VPS18: variants seen among roughly 807,000 people sequenced by gnomAD.
The protein encoded by VPS18 is VPS18 core subunit of CORVET and HOPS complexes, also known as vacuolar protein sorting-associated protein 18 homolog.
In VPS18, 25 loss-of-function variants were observed where a neutral mutation model predicts 82.0. The ratio of observed to expected loss-of-function variants is 0.30; its 90% confidence interval spans 0.22 to 0.43. VPS18 has a LOEUF of 0.43. VPS18 is among the 20% of genes least tolerant of loss of function. The pLI is 1.00. For missense variants in VPS18, 1,168 were observed against 1,311.1 expected (o/e 0.89, Z 1.69); for synonymous variants, 523 against 543.0 (o/e 0.96, Z 0.51).
intron 4 of VPS18, 109 bp downstream of exon 4, chr15:40,901,123 A>G: frequency 1.7e-6 from 2 of 1,147,268 alleles, no homozygotes; most frequent in South Asian, 1.5e-5. Flanking sequence ...CTTCCCTTGC[A>G]GAGAGGGAAG....
At position 40,900,786 on chromosome 15, in the gene VPS18, G is replaced by A. The variant is rs145230598; in HGVS notation, c.1968G>A (p.Leu656=). 6.2e-7 allele frequency: 1 copy of A among 1,614,230 alleles called. No homozygotes were observed. The highest frequency in any genetic ancestry group is 1.3e-5 in the African/African-American group (1 of 75,070). Residue 656 remains leucine, a synonymous_variant, in exon 4 of 5, where the codon CTG becomes CTA. Transcript: ENST00000220509. The surrounding 1 kb of genome is among the most constrained non-coding windows in gnomAD (Gnocchi z 5.4). The part of the protein sequence containing the change: ...IRYMEFCVNV[L]GETEQAIHNY... ...ACATGGAGTTCTGCGTGAACGTGCT[G>A]GGGGAGACTGAGCAGGCCATCCACA...
chr15:40,902,603 G>T lies in VPS18; in HGVS notation c.2197-13G>T, dbSNP rs755487795. 1.9e-6 allele frequency: 3 copies of T among 1,599,878 alleles called. No individual in the cohort carries two copies. The Admixed American group carries it at 5.0e-5, about 27-fold the overall frequency. ...GGAGGGGCTTGGCCCTAAAGCCCAT[G>T]CTCTCCCCACAGGTGGATGTGGACC... On this transcript the variant is annotated splice_polypyrimidine_tract_variant and intron_variant, in intron 4 of 4. Coordinates refer to ENST00000220509, the MANE Select transcript of VPS18 (RefSeq NM_020857.3). This position sits in a 1 kb window ranked among gnomAD's most constrained non-coding sequence, Gnocchi z 4.2.
At chr15:40,896,179 T>C (rs1331538138) in intron 2 of VPS18, 100 bp downstream of exon 2, 26 of 1,520,482 alleles carry the variant, frequency 1.7e-5, no homozygotes, top group Non-Finnish European at 2.2e-5. Flanking sequence ...AGTAAAGCAG[T>C]GAATTTGGAG....
In VPS18 at chr15:40,899,534, C is replaced by T. The variant is rs573980971; in HGVS notation, c.716C>T (p.Ala239Val). Residue 239 changes from alanine (A) to valine (V), a missense_variant, in exon 4 of 5, where the codon GCT (alanine) becomes GTT (valine). Physicochemically the swap from Ala to Val is moderately conservative, Grantham distance 64. This residue lies in a region of VPS18 where 868 missense variants were observed against 939.8 expected (regional missense o/e 0.92). Transcript: ENST00000220509. This position sits in a 1 kb window ranked among gnomAD's most constrained non-coding sequence, Gnocchi z 4.4. ...TTCATAGGCCGAGCAGCAGAGGGGG[C>T]TGAGGCCCAGGGTTTCTCAGGGCTC... ...FQFIGRAAEG[A>V]EAQGFSGLFA... 962 of 1,609,674 alleles carry T rather than the reference C, an allele frequency of 6.0e-4. 6 individuals are homozygous for T. In the South Asian group the frequency reaches 0.01, roughly 17 times the overall value.
In VPS18 at chr15:40,899,747, G is replaced by A. The variant is rs756968715; in HGVS notation, c.929G>A (p.Arg310Gln). 5.0e-6 allele frequency: 8 copies of A among 1,613,676 alleles called. No individual in the cohort carries two copies. Among genetic ancestry groups the A allele is most frequent in the South Asian group, 2.2e-5 (2 of 91,090 alleles). Residue 310 changes from arginine to glutamine, a missense_variant, in exon 4 of 5, where the codon CGA becomes CAA. Coordinates refer to ENST00000220509, the MANE Select transcript of VPS18 (RefSeq NM_020857.3). This position sits in a 1 kb window ranked among gnomAD's most constrained non-coding sequence, Gnocchi z 4.4. The stretch of plus-strand genomic sequence containing the variant: ...CCTGACTCTCTGCTGAGCGAGGAGC[G>A]AGTCTGGGAGTACCCAGAGGGGGTA... Reference protein sequence around the residue: ...GRPDSLLSEERVWEYPEGVGP... With the variant: ...GRPDSLLSEEQVWEYPEGVGP...
At position 40,894,774 on chromosome 15, in the gene VPS18, G is replaced by T. The variant is rs764486412; in HGVS notation, c.6G>T (p.Ala2=). 1.8e-5 allele frequency: 28 copies of T among 1,549,460 alleles called. No individual in the cohort carries two copies. The highest frequency in any genetic ancestry group is 2.2e-5 in the Non-Finnish European group (25 of 1,146,274). The change falls in exon 1 of 5, where the codon GCG becomes GCT. Residue 2 remains alanine (A), a synonymous_variant. Coordinates refer to ENST00000220509, the MANE Select transcript of VPS18 (RefSeq NM_020857.3). The part of the protein sequence containing the change: M[A]SILDEYENSL... Reference sequence around the variant, plus strand: ...GAGCCCAGAGGCCGGGCACCATGGCGTCCATCCTGGATGAGTACGAGAACT... The same window carrying T: ...GAGCCCAGAGGCCGGGCACCATGGCTTCCATCCTGGATGAGTACGAGAACT...
intron 2 of VPS18, among the ~76,000 whole-genome samples, chr15:40,898,170 G>C (rs894264569): frequency 6.6e-6 from 1 of 151,986 alleles, no homozygotes; most frequent in African/African-American, 2.4e-5. Context: ...ATTTCACCGT[G>C]GTCTCAATCT....
intron 2 of VPS18, among the ~76,000 whole-genome samples, chr15:40,898,112 G>A (rs942095987): frequency 1.1e-4 from 16 of 152,036 alleles, no homozygotes; most frequent in Non-Finnish European, 2.2e-4. Context: ...GACTACAGGC[G>A]CCTGCCACCG....
chr15:40,900,048 G>T lies in VPS18; in HGVS notation c.1230G>T (p.Leu410=). 1 of 1,613,866 alleles carries T rather than the reference G, an allele frequency of 6.2e-7. No homozygotes were observed. The highest frequency in any genetic ancestry group is 8.5e-7 in the Non-Finnish European group (1 of 1,179,988). ...RTYLDMNRFD[L]AKEYCRERPD... ...ATCTGGACATGAACCGCTTCGATCT[G>T]GCCAAAGAGTATTGTCGAGAGCGGC... Residue 410 remains leucine, a synonymous_variant, in exon 4 of 5, where the codon CTG becomes CTT. Coordinates refer to ENST00000220509, the MANE Select transcript of VPS18 (RefSeq NM_020857.3). The surrounding 1 kb of genome is among the most constrained non-coding windows in gnomAD (Gnocchi z 5.4).
Position 40,900,622 on chromosome 15 carries a change from C to A in VPS18, c.1804C>A (p.Leu602Ile), listed in dbSNP as rs78368648. 3.7e-6 allele frequency: 6 copies of A among 1,613,984 alleles called. No homozygotes were observed. The highest frequency in any genetic ancestry group is 5.1e-6 in the Non-Finnish European group (6 of 1,180,032). ...PQLFYKFSPI[L>I]IRHIPRQLVD... ...GCTCTTCTACAAGTTCTCACCCATC[C>A]TCATCCGTCACATCCCCCGCCAGCT... Residue 602 changes from leucine to isoleucine, a missense_variant, in exon 4 of 5, where the codon CTC (leucine) becomes ATC (isoleucine). Physicochemically the swap from Leu to Ile is conservative, Grantham distance 5 (BLOSUM62 2). Around this residue, in one of 3 missense-constraint regions of VPS18, gnomAD observed 868 missense variants for 939.8 expected, o/e 0.92. Transcript: ENST00000220509. This position sits in a 1 kb window ranked among gnomAD's most constrained non-coding sequence, Gnocchi z 5.4.
chr15:40,900,729 T>G lies in VPS18; in HGVS notation c.1911T>G (p.Gly637=). 1 of 1,614,148 alleles carries G rather than the reference T, an allele frequency of 6.2e-7. No individual in the cohort carries two copies. The highest frequency in any genetic ancestry group is 2.2e-5 in the East Asian group (1 of 44,884). Residue 637 remains glycine (G), a synonymous_variant, in exon 4 of 5, where the codon GGT becomes GGG. Transcript: ENST00000220509. The surrounding 1 kb of genome is among the most constrained non-coding windows in gnomAD (Gnocchi z 5.4). ...CCCTGGTGAACTACAGCCAGGGTGG[T>G]GAGGTCCAGCAGGTGAGCCAGGCCA... ...IPALVNYSQG[G]EVQQVSQAIR... is the part of the protein sequence containing the mutation.
rs760362186 is a variant in VPS18 at position 40,900,206 on chromosome 15, C to T, written c.1388C>T (p.Ala463Val). Residue 463 changes from alanine to valine, a missense_variant, in exon 4 of 5, where the codon GCC (alanine) becomes GTC (valine). By Grantham distance (64) the Ala-to-Val change is moderately conservative. This residue lies in a region of VPS18 where 868 missense variants were observed against 939.8 expected (regional missense o/e 0.92). Coordinates refer to ENST00000220509, the MANE Select transcript of VPS18 (RefSeq NM_020857.3). This position sits in a 1 kb window ranked among gnomAD's most constrained non-coding sequence, Gnocchi z 5.4. ...GAGATTGCCCTCAAGTTCCTGGAGG[C>T]CCGACAGGAGGAGGCTCTGGCTGAG... Reference protein sequence around the residue: ...FEEIALKFLEARQEEALAEFL... With the variant: ...FEEIALKFLEVRQEEALAEFL... 1.9e-6 allele frequency: 3 copies of T among 1,613,814 alleles called. No individual in the cohort carries two copies. In the East Asian group the frequency reaches 6.7e-5, roughly 36 times the overall value.
chr15:40,902,664 G>A lies in VPS18; in HGVS notation c.2245G>A (p.Glu749Lys). 6.2e-7 allele frequency: 1 copy of A among 1,614,250 alleles called. No individual in the cohort carries two copies. The highest frequency in any genetic ancestry group is 8.5e-7 in the Non-Finnish European group (1 of 1,180,036). ...KQCADLPEEDEELRKKLWLKI... is the reference protein window; with the variant it reads ...KQCADLPEEDKELRKKLWLKI... ...GTGTGCAGACCTGCCTGAGGAGGAT[G>A]AGGAATTGCGCAAGAAGCTGTGGCT... Residue 749 changes from glutamate to lysine, a missense_variant, in exon 5 of 5, where the codon GAG becomes AAG. Coordinates refer to ENST00000220509, the MANE Select transcript of VPS18 (RefSeq NM_020857.3). The surrounding 1 kb of genome is among the most constrained non-coding windows in gnomAD (Gnocchi z 4.2).
Position 40,903,200 on chromosome 15 carries a change from C to G in VPS18, c.2781C>G (p.Pro927=). Reference sequence around the variant, plus strand: ...AGGGTGGGGCTGCCACGGCAGGGCCCAGCCGGGAACAGCTCAAGGCTGACC... The same window carrying G: ...AGGGTGGGGCTGCCACGGCAGGGCCGAGCCGGGAACAGCTCAAGGCTGACC... The part of the protein sequence containing the change: ...EAEGGAATAG[P]SREQLKADLD... The change falls in exon 5 of 5, where the codon CCC becomes CCG. Residue 927 remains proline (P), a synonymous_variant. Transcript: ENST00000220509. 1 of 1,610,412 alleles carries G rather than the reference C, an allele frequency of 6.2e-7. No individual in the cohort carries two copies. Among genetic ancestry groups the G allele is most frequent in the South Asian group, 1.1e-5 (1 of 90,766 alleles).
Position 40,899,108 on chromosome 15 carries a change from A to T in VPS18, c.326-36A>T, listed in dbSNP as rs1892289885. ...GGAGGAGGCTGAGGATGGGAACGGCAGCATCCACTGGGGCGCCATGCTCTC... is the reference window on the plus strand; with the variant it reads ...GGAGGAGGCTGAGGATGGGAACGGCTGCATCCACTGGGGCGCCATGCTCTC... On this transcript the variant is annotated intron_variant, in intron 3 of 4. Coordinates refer to ENST00000220509, the MANE Select transcript of VPS18 (RefSeq NM_020857.3). The surrounding 1 kb of genome is among the most constrained non-coding windows in gnomAD (Gnocchi z 4.4). The T allele has an allele frequency of 1.2e-6, 2 of 1,604,690 alleles. No homozygotes were observed. The highest frequency in any genetic ancestry group is 1.7e-6 in the Non-Finnish European group (2 of 1,173,584).
rs147137922 is a variant in VPS18, at chr15:40,902,913, C to A, written c.2494C>A (p.Arg832Ser). ...GGAAGAGGCTACAGCCAGTGCCCAG[C>A]GCATCCGGCGAGACCTGCAGGAGCT... ...EMEEATASAQRIRRDLQELRG... is the reference protein window; with the variant it reads ...EMEEATASAQSIRRDLQELRG... Residue 832 changes from arginine to serine, a missense_variant, in exon 5 of 5, where the codon CGC (arginine) becomes AGC (serine). Transcript: ENST00000220509. This position sits in a 1 kb window ranked among gnomAD's most constrained non-coding sequence, Gnocchi z 4.2. 3.1e-6 allele frequency: 5 copies of A among 1,614,248 alleles called. No individual in the cohort carries two copies. Among genetic ancestry groups the A allele is most frequent in the African/African-American group, 1.3e-5 (1 of 75,078 alleles).
Position 40,900,234 on chromosome 15 carries a change from C to G in VPS18, c.1416C>G (p.Phe472Leu). 6.2e-7 allele frequency: 1 copy of G among 1,613,826 alleles called. No individual in the cohort carries two copies. Among genetic ancestry groups the G allele is most frequent in the Non-Finnish European group, 8.5e-7 (1 of 1,180,014 alleles). Residue 472 changes from phenylalanine (F) to leucine (L), a missense_variant, in exon 4 of 5, where the codon TTC becomes TTG. Around this residue, in one of 3 missense-constraint regions of VPS18, gnomAD observed 868 missense variants for 939.8 expected, o/e 0.92. Transcript: ENST00000220509. This position sits in a 1 kb window ranked among gnomAD's most constrained non-coding sequence, Gnocchi z 5.4. Reference protein sequence around the residue: ...EARQEEALAEFLQRKLASLKP... With the variant: ...EARQEEALAELLQRKLASLKP... ...GACAGGAGGAGGCTCTGGCTGAGTT[C>G]CTGCAGCGAAAACTGGCCAGTTTGA...
At chr15:40,898,725 G>T in intron 2 of VPS18, 182 bp from the exon 3 acceptor site, 1 of 684,360 alleles carries the variant, frequency 1.5e-6, no homozygotes, top group South Asian at 1.6e-5. Flanking sequence ...TACCCACCTC[G>T]GACTCCCAAA....
chr15:40,899,400 C>T lies in VPS18; in HGVS notation c.582C>T (p.Tyr194=), dbSNP rs766326286. 2.6e-5 allele frequency: 41 copies of T among 1,605,404 alleles called. No individual in the cohort carries two copies. The highest frequency in any genetic ancestry group is 6.7e-5 in the East Asian group (3 of 44,678). The change falls in exon 4 of 5, where the codon TAC becomes TAT. Residue 194 remains tyrosine (Y), a synonymous_variant. Transcript: ENST00000220509. The surrounding 1 kb of genome is among the most constrained non-coding windows in gnomAD (Gnocchi z 4.4). ...PAPDLYFRPL[Y]VLNEEGGPAP... Reference sequence around the variant, plus strand: ...CGGATCTCTACTTCCGCCCATTGTACGTGCTAAATGAAGAAGGGGGTCCAG... The same window carrying T: ...CGGATCTCTACTTCCGCCCATTGTATGTGCTAAATGAAGAAGGGGGTCCAG...
Sources: gnomAD v4.1 joint callset for allele counts (sites outside exome capture counted in the v4.1 genomes callset) on GRCh38, gnomAD v4.1.1 for gene constraint, gnomAD v4.1.1 regional missense constraint, Gnocchi (gnomAD v3.1) non-coding constraint, MANE v1.5 for transcripts, NCBI Gene and HGNC (gene_info 2026-07-23, HGNC 2026-07-21) for gene names.